Variants in SPTLC3 observed in about 807,000 individuals in gnomAD.
SPTLC3 encodes the protein serine palmitoyltransferase long chain base subunit 3.
A neutral mutation model predicts 59.3 loss-of-function variants in SPTLC3; 36 were observed. The ratio of observed to expected loss-of-function variants is 0.61; its 90% CI spans 0.47 to 0.80. The LOEUF (loss-of-function observed/expected upper bound fraction) is 0.80, where lower values mean the gene tolerates loss of function less well. Ranked by LOEUF, SPTLC3 falls within the 30% of genes least tolerant of loss-of-function variation. The pLI is 0.00. For synonymous variants in SPTLC3, 257 were observed against 240.8 expected, an observed-to-expected ratio of 1.07 and a Z score of -0.62; for missense variants, 625 against 685.1, an observed-to-expected ratio of 0.91 and a Z score of 0.98.
intron 1 of SPTLC3, among the ~76,000 whole-genome samples, chr20:13,027,806 C>T (rs1179405162): frequency 1.3e-5 from 2 of 152,246 alleles, no homozygotes; most frequent in East Asian, 3.9e-4. Context: ...CTACCTAAGA[C>T]TTTTATAGCT....
intron 2 of SPTLC3, among the ~76,000 whole-genome samples, chr20:13,060,238 A>G (rs1293011140): frequency 6.6e-6 from 1 of 152,190 alleles, no homozygotes; most frequent in Non-Finnish European, 1.5e-5. Context: ...CACAGTTTAT[A>G]TACAGGTAGC....
At chr20:13,070,278 GTATATGCTTA>G (rs1413465686) in intron 2 of SPTLC3, among the ~76,000 whole-genome samples, 24 of 152,272 alleles carry the variant, frequency 1.6e-4, no homozygotes, top group Non-Finnish European at 2.8e-4. Flanking sequence ...AATTTAAACA[GTATATGCTTA>G]TGAACATTCT....
intron 4 of SPTLC3, among the ~76,000 whole-genome samples, chr20:13,088,319 T>G (rs985544958): frequency 6.6e-6 from 1 of 152,032 alleles, no homozygotes; most frequent in Non-Finnish European, 1.5e-5. Flanking sequence ...GTTGTTGTTG[T>G]TGTTGTTTGT....
intron 2 of SPTLC3, among the ~76,000 whole-genome samples, chr20:13,056,994 C>T (rs1987759351): frequency 6.6e-6 from 1 of 151,884 alleles, no homozygotes; most frequent in Non-Finnish European, 1.5e-5. Flanking sequence ...CCTGCCTCAG[C>T]CTCCCAAAGT....
intron 2 of SPTLC3, among the ~76,000 whole-genome samples, chr20:13,055,311 G>A (rs1987673987): frequency 6.6e-6 from 1 of 151,860 alleles, no homozygotes; most frequent in African/African-American, 2.4e-5. Context: ...AGAGACGCAG[G>A]TTTCTCTGGT....
At chr20:13,104,421 C>G (rs1989756834) in intron 6 of SPTLC3, among the ~76,000 whole-genome samples, 1 of 152,272 alleles carries the variant, frequency 6.6e-6, no homozygotes, top group Admixed American at 6.5e-5. Context: ...CACTTGGCTC[C>G]CACTCTCTCG....
At chr20:13,092,791 A>G (rs1989272092) in intron 5 of SPTLC3, among the ~76,000 whole-genome samples, 1 of 152,202 alleles carries the variant, frequency 6.6e-6, no homozygotes, top group South Asian at 2.1e-4. Flanking sequence ...CTGGAAGACC[A>G]CAAAAGACAA....
At chr20:13,044,849 G>C (rs1021614503) in intron 1 of SPTLC3, among the ~76,000 whole-genome samples, 3 of 152,096 alleles carry the variant, frequency 2.0e-5, no homozygotes, top group African/African-American at 7.2e-5. Context: ...CATCTTCATT[G>C]TTATGCTCGA....
intron 2 of SPTLC3, among the ~76,000 whole-genome samples, chr20:13,064,453 G>A (rs1600244386): frequency 1.3e-5 from 2 of 152,012 alleles, no homozygotes; most frequent in Admixed American, 6.5e-5. Flanking sequence ...GCGCCACCGC[G>A]CCCGGCTAAT....
At chr20:13,132,428 C>T (rs752303065) in intron 9 of SPTLC3, among the ~76,000 whole-genome samples, 9 of 152,028 alleles carry the variant, frequency 5.9e-5, no homozygotes, top group Non-Finnish European at 8.8e-5. Flanking sequence ...CCACCCACCT[C>T]GGCCTCCCAA....
intron 6 of SPTLC3, among the ~76,000 whole-genome samples, chr20:13,099,465 A>C (rs138048076): frequency 0.014 from 2,127 of 152,362 alleles, 26 homozygotes; most frequent in Non-Finnish European, 0.02. Context: ...AACTTCTTAC[A>C]GCAGCAATAG....
At chr20:13,055,864 C>T (rs1987700791) in intron 2 of SPTLC3, among the ~76,000 whole-genome samples, 1 of 151,922 alleles carries the variant, frequency 6.6e-6, no homozygotes, top group African/African-American at 2.4e-5. Context: ...ATGATGCAGA[C>T]CCAGCAAAGG....
chr20:13,146,267 A>T (rs2038506989), intron 9 of SPTLC3, among the ~76,000 whole-genome samples: 1 of 152,070 alleles, frequency 6.6e-6, no homozygotes. Context: ...AGACACTGGG[A>T]TCTGCTTGAG....
Position 13,093,591 on chromosome 20 carries a change from T to A in SPTLC3, c.826+14T>A, listed in dbSNP as rs1389249200. 1 of 1,609,588 alleles carries A rather than the reference T, an allele frequency of 6.2e-7. No homozygotes were observed. The highest frequency in any genetic ancestry group is 1.7e-5 in the Admixed American group (1 of 59,886). ...TCAAACACAACAGTGAGTATCAGTG[T>A]ATTTTCTCAACATGTACTGGATTGC... is the stretch of plus-strand genomic sequence containing the variant. On this transcript the variant is annotated intron_variant, in intron 6 of 11. Transcript: ENST00000399002.
chr20:13,143,272 G>A (rs78797029), intron 9 of SPTLC3, among the ~76,000 whole-genome samples: 2,797 of 152,274 alleles, frequency 0.018, 53 homozygotes, highest in South Asian at 0.03. Flanking sequence ...CCAAGTCAGT[G>A]AGTCCAGTCT....
chr20:13,040,059 G>GTA, intron 1 of SPTLC3, among the ~76,000 whole-genome samples: 1 of 151,624 alleles, frequency 6.6e-6, no homozygotes, highest in East Asian at 1.9e-4. Flanking sequence ...GTGTGTGTGT[G>GTA]TGTGTGTGTG....
chr20:13,072,888 T>C (rs1251172000), intron 3 of SPTLC3, among the ~76,000 whole-genome samples: 1 of 152,236 alleles, frequency 6.6e-6, no homozygotes, highest in Non-Finnish European at 1.5e-5. Context: ...ATCATGGGTT[T>C]ACCTTTCTCT....
chr20:13,089,797 A>G (rs200552689), intron 4 of SPTLC3, among the ~76,000 whole-genome samples: 68,710 of 144,088 alleles, frequency 0.48, 16,832 homozygotes, highest in African/African-American at 0.53. Context: ...AAAAAAAAAA[A>G]AAAAAAACAA....
intron 4 of SPTLC3, among the ~76,000 whole-genome samples, chr20:13,087,439 A>G (rs1989040185): frequency 6.6e-6 from 1 of 152,190 alleles, no homozygotes; most frequent in South Asian, 2.1e-4. Context: ...CTTTACTAGA[A>G]GACTTCTCTA....
Sources: gnomAD v4.1 joint callset for allele counts (sites outside exome capture counted in the v4.1 genomes callset) on GRCh38, gnomAD v4.1.1 for gene constraint, MANE v1.5 for transcripts, NCBI Gene and HGNC (gene_info 2026-07-23, HGNC 2026-07-21) for gene names.